The following COL23A1 variants were observed in gnomAD, a reference collection of about 807,000 sequenced individuals.
The protein encoded by COL23A1 is collagen type XXIII alpha 1 chain.
COL23A1 carries 97 observed loss-of-function variants against 99.3 expected under a neutral mutation model. The observed-to-expected ratio is 0.98, with a 90% CI of 0.83 to 1.16. The LOEUF (loss-of-function observed/expected upper bound fraction) is 1.16, where lower values mean the gene tolerates loss of function less well. COL23A1 is among the 50% of genes most tolerant of loss of function. The probability of loss-of-function intolerance (pLI) is 0.00; values close to 1 mark genes in which losing one functional copy is unlikely to be tolerated. For synonymous variants in COL23A1, 320 were observed against 308.2 expected (o/e 1.04, Z -0.40); for missense variants, 762 against 757.4 (o/e 1.01, Z -0.07).
rs531338960 is a variant in COL23A1 at position 178,361,033 on chromosome 5, C to A, written c.362-54114G>T. Among the ~76,000 whole-genome samples the A allele has an allele frequency of 3.3e-5, 5 of 152,318 alleles. No homozygotes were observed. The South Asian group carries it at 1.0e-3, about 32-fold the overall frequency. ...GGGACACACTCTGGCCACATCCTTG[C>A]TACATCCAAGCAAAGGCTGCCTGGA... is the stretch of plus-strand genomic sequence containing the variant. On this transcript the variant is annotated intron_variant, in intron 2 of 28. Transcript: ENST00000390654.
chr5:178,333,600 G>C (rs1175533724), intron 2 of COL23A1, among the ~76,000 whole-genome samples: 1 of 152,142 alleles, frequency 6.6e-6, no homozygotes, highest in Non-Finnish European at 1.5e-5. Flanking sequence ...CTGGACCCGA[G>C]GCTTCAGTCT....
At chr5:178,263,179 G>C (rs1018092461) in intron 9 of COL23A1, 29 bp downstream of exon 9, 1 of 1,524,276 alleles carries the variant, frequency 6.6e-7, no homozygotes, top group Non-Finnish European at 9.1e-7. Flanking sequence ...GTCAAGTCCT[G>C]CGTGGCCCAA....
At chr5:178,272,459 G>A (rs1432076522) in intron 5 of COL23A1, among the ~76,000 whole-genome samples, 1 of 152,214 alleles carries the variant, frequency 6.6e-6, no homozygotes, top group African/African-American at 2.4e-5. Context: ...CAGTCTCATG[G>A]TCGCTGAGGG....
chr5:178,267,343 A>G lies in COL23A1; in HGVS notation c.496-10T>C. The G allele has an allele frequency of 6.2e-7, 1 of 1,613,720 alleles. No homozygotes were observed. Among genetic ancestry groups the G allele is most frequent in the Non-Finnish European group, 8.5e-7 (1 of 1,179,866 alleles). On this transcript the variant is annotated splice_polypyrimidine_tract_variant and intron_variant, in intron 7 of 28. Transcript: ENST00000390654. ...AGTCTCCTGGTGCACCCTGGGAACA[A>G]AAGACAGGGAGAGGCATCACCACTG...
intron 2 of COL23A1, among the ~76,000 whole-genome samples, chr5:178,474,818 A>G (rs2127941351): frequency 6.6e-6 from 1 of 152,340 alleles, no homozygotes; most frequent in African/African-American, 2.4e-5. Flanking sequence ...GGAGGCGGGG[A>G]GCGGATAGTA....
At chr5:178,445,304 T>C (rs1176171913) in intron 2 of COL23A1, among the ~76,000 whole-genome samples, 1 of 152,230 alleles carries the variant, frequency 6.6e-6, no homozygotes, top group Non-Finnish European at 1.5e-5. Context: ...AGACATTTCT[T>C]TGTTTCACTG....
intron 2 of COL23A1, among the ~76,000 whole-genome samples, chr5:178,381,836 C>T (rs1485612803): frequency 6.6e-6 from 1 of 152,184 alleles, no homozygotes; most frequent in Admixed American, 6.5e-5. Flanking sequence ...GGATTTCCCT[C>T]TATTGCCCTC....
At chr5:178,248,112 T>C in intron 20 of COL23A1, 80 bp downstream of exon 20, 1 of 1,105,904 alleles carries the variant, frequency 9.0e-7, no homozygotes, top group Non-Finnish European at 1.3e-6. Flanking sequence ...CCAGGTGGCC[T>C]TTTTGTCCCA....
Position 178,248,223 on chromosome 5 carries a change from T to C in COL23A1, c.1181A>G (p.Glu394Gly). The change falls in exon 20 of 29, where the codon GAG (glutamate) becomes GGG (glycine). Residue 394 changes from glutamate to glycine, a missense_variant. Transcript: ENST00000390654. ...CTCCTGTAGGCTGTCAGACGCCGAC[T>C]CCCCCTTCTCCCCCTTGAGGCCGTC... ...GADGLKGEKGESASDSLQESL... is the reference protein window; with the variant it reads ...GADGLKGEKGGSASDSLQESL... 2 of 1,609,374 alleles carry C rather than the reference T, an allele frequency of 1.2e-6. No individual in the cohort carries two copies. The highest frequency in any genetic ancestry group is 1.1e-5 in the South Asian group (1 of 90,662).
At position 178,310,704 on chromosome 5, in the gene COL23A1, G is replaced by A. The variant is rs982126254; in HGVS notation, c.362-3785C>T. On this transcript the variant is annotated intron_variant, in intron 2 of 28. Coordinates refer to ENST00000390654, the MANE Select transcript of COL23A1 (RefSeq NM_173465.4). The surrounding 1 kb of genome is among the most constrained non-coding windows in gnomAD (Gnocchi z 4.3). ...TTTGCTGGGGCTGGCTGTGCCCCAG[G>A]GCATCTGGGCCTGGTGTGGAGCAGG... Among the ~76,000 whole-genome samples, 1 of 152,076 alleles carries A rather than the reference G, an allele frequency of 6.6e-6. No homozygotes were observed. Among genetic ancestry groups the A allele is most frequent in the African/African-American group, 2.4e-5 (1 of 41,416 alleles).
chr5:178,573,917 G>A (rs1356917826), intron 1 of COL23A1, among the ~76,000 whole-genome samples: 1 of 151,920 alleles, frequency 6.6e-6, no homozygotes, highest in African/African-American at 2.4e-5. Context: ...GGAGTACAGT[G>A]ATGCAATCTC....
intron 2 of COL23A1, among the ~76,000 whole-genome samples, chr5:178,385,539 G>A (rs1322863241): frequency 6.6e-6 from 1 of 152,206 alleles, no homozygotes; most frequent in South Asian, 2.1e-4. Context: ...GGAGGGTGCT[G>A]GGCACCGAGC....
intron 1 of COL23A1, among the ~76,000 whole-genome samples, chr5:178,571,792 G>T (rs892451404): frequency 3.3e-5 from 5 of 152,096 alleles, no homozygotes; most frequent in Non-Finnish European, 7.4e-5. Flanking sequence ...AAACTGGGCT[G>T]GCCACAGTGG....
chr5:178,346,032 T>C (rs1760950005), intron 2 of COL23A1, among the ~76,000 whole-genome samples: 2 of 152,036 alleles, frequency 1.3e-5, no homozygotes, highest in African/African-American at 4.8e-5. Flanking sequence ...ACATTGCACA[T>C]ATACAAATAA....
intron 5 of COL23A1, among the ~76,000 whole-genome samples, chr5:178,278,710 T>A (rs1002209818): frequency 6.6e-6 from 1 of 152,068 alleles, no homozygotes; most frequent in Non-Finnish European, 1.5e-5. Context: ...TCCTGCACAG[T>A]GAAGGAGCAG....
intron 2 of COL23A1, among the ~76,000 whole-genome samples, chr5:178,332,388 C>G (rs930781688): frequency 8.5e-5 from 13 of 152,206 alleles, no homozygotes; most frequent in Non-Finnish European, 1.8e-4. Flanking sequence ...CCTGAGCCAG[C>G]AGCTGGGAGG....
intron 3 of COL23A1, among the ~76,000 whole-genome samples, chr5:178,303,806 A>G (rs574894578): frequency 1.3e-4 from 20 of 152,330 alleles, no homozygotes; most frequent in African/African-American, 4.6e-4. Context: ...TGAGGAGCCC[A>G]TGCTTTGGTG....
chr5:178,257,467 A>G, intron 13 of COL23A1, 56 bp downstream of exon 13: 1 of 1,543,164 alleles, frequency 6.5e-7, no homozygotes, highest in Non-Finnish European at 8.8e-7. Flanking sequence ...CACCAGGTAG[A>G]TGGGAACCAT....
At chr5:178,425,605 G>A (rs1435418881) in intron 2 of COL23A1, among the ~76,000 whole-genome samples, 3 of 152,122 alleles carry the variant, frequency 2.0e-5, no homozygotes, top group African/African-American at 7.2e-5. Context: ...GATATCAGTG[G>A]TGCAACCGGC....
Sources: allele counts gnomAD v4.1 joint callset (sites outside exome capture counted in the v4.1 genomes callset), GRCh38; gene constraint gnomAD v4.1.1; non-coding constraint Gnocchi (gnomAD v3.1); transcripts MANE v1.5; gene names NCBI Gene and HGNC (gene_info 2026-07-23, HGNC 2026-07-21).